Variants in COL14A1 observed in about 807,000 individuals in gnomAD.
The protein encoded by COL14A1 is collagen type XIV alpha 1 chain, also known as collagen alpha-1(XIV) chain.
COL14A1 carries 136 observed loss-of-function variants against 230.3 expected under a neutral mutation model. That is an observed-to-expected ratio of 0.59 (90% CI 0.51 to 0.68). The LOEUF (loss-of-function observed/expected upper bound fraction) is 0.68, where lower values mean the gene tolerates loss of function less well. Ranked by LOEUF, COL14A1 falls within the 30% of genes least tolerant of loss-of-function variation. The pLI, the probability that COL14A1 is intolerant of heterozygous loss-of-function variation, is 0.00. For missense variants in COL14A1, 1,976 were observed against 2,215.8 expected, an observed-to-expected ratio of 0.89 and a Z score of 2.17; for synonymous variants, 792 against 784.1, an observed-to-expected ratio of 1.01 and a Z score of -0.17.
chr8:120,289,095 A>G lies in COL14A1; in HGVS notation c.4078-513A>G, dbSNP rs1054537690. ...ACACTAAGCTAAACAGCTTTATTTT[A>G]TTTGAACCTGGGTTCACCAGAAAGC... On this transcript the variant is annotated intron_variant, in intron 33 of 47. Transcript: ENST00000297848. 1.3e-5 allele frequency among the ~76,000 whole-genome samples: 2 copies of G among 152,256 alleles called. 1 individual carries two copies. The highest frequency in any genetic ancestry group is 4.1e-4 in the South Asian group (2 of 4,824).
Position 120,270,020 on chromosome 8 carries a change from A to T in COL14A1, c.3074-15A>T, listed in dbSNP as rs962827388. On this transcript the variant is annotated splice_polypyrimidine_tract_variant and intron_variant, in intron 25 of 47. Transcript: ENST00000297848. ...TCCCCTTATCTCTGACTCAAAATTC[A>T]TTGTTGGTCTTCAGTATGTAAGGCG... 6.2e-7 allele frequency: 1 copy of T among 1,609,718 alleles called. No homozygotes were observed. The highest frequency in any genetic ancestry group is 1.3e-5 in the African/African-American group (1 of 74,628).
At chr8:120,341,685 A>G (rs1253498451) in intron 43 of COL14A1, among the ~76,000 whole-genome samples, 1 of 152,204 alleles carries the variant, frequency 6.6e-6, no homozygotes, top group African/African-American at 2.4e-5. Context: ...ACGTTATATA[A>G]TAGATGTGAA....
intron 17 of COL14A1, 75 bp downstream of exon 17, chr8:120,227,427 A>G (rs1818133169): frequency 6.4e-7 from 1 of 1,550,926 alleles, no homozygotes; most frequent in Non-Finnish European, 8.8e-7. Context: ...TTCCTTCCCC[A>G]TCTGCTTTAT....
intron 42 of COL14A1, among the ~76,000 whole-genome samples, chr8:120,338,034 T>C (rs1322631971): frequency 2.0e-5 from 3 of 152,156 alleles, no homozygotes; most frequent in Non-Finnish European, 4.4e-5. Context: ...CAGCTGATGC[T>C]CTCCATTTAC....
At chr8:120,343,592 A>G (rs950313622) in intron 44 of COL14A1, among the ~76,000 whole-genome samples, 2 of 152,226 alleles carry the variant, frequency 1.3e-5, no homozygotes, top group East Asian at 3.8e-4. Flanking sequence ...AGGAGTATGA[A>G]GATACCAACT....
rs112918743 is a variant in COL14A1 at position 120,145,857 on chromosome 8, A to G, written c.-37-1949A>G. On this transcript the variant is annotated intron_variant, in intron 1 of 47. Coordinates refer to ENST00000297848, the MANE Select transcript of COL14A1 (RefSeq NM_021110.4). ...ATTTACTGTCATCAGAATACACTTG[A>G]ACAAGAAAATAATAACAAAAGATGT... Among the ~76,000 whole-genome samples, 343 of 152,314 alleles carry G rather than the reference A, an allele frequency of 2.3e-3. 1 individual carries two copies. The highest frequency in any genetic ancestry group is 7.6e-3 in the African/African-American group (314 of 41,582).
At chr8:120,332,970 A>G (rs926429914) in intron 42 of COL14A1, among the ~76,000 whole-genome samples, 1 of 152,230 alleles carries the variant, frequency 6.6e-6, no homozygotes, top group Non-Finnish European at 1.5e-5. Flanking sequence ...GCTTTTGCTT[A>G]TATGTTTCTA....
intron 45 of COL14A1, among the ~76,000 whole-genome samples, chr8:120,355,128 C>T (rs1822931690): frequency 6.6e-6 from 1 of 152,148 alleles, no homozygotes; most frequent in Non-Finnish European, 1.5e-5. Flanking sequence ...TTGTCAATTG[C>T]TTTTCTGACG....
chr8:120,307,372 T>C (rs1424928820), intron 36 of COL14A1, among the ~76,000 whole-genome samples: 5 of 152,166 alleles, frequency 3.3e-5, no homozygotes, highest in Non-Finnish European at 7.3e-5. Context: ...ATGATTGATA[T>C]TCAATAATGG....
chr8:120,281,881 A>C (rs1208096620), intron 31 of COL14A1, among the ~76,000 whole-genome samples: 11 of 152,214 alleles, frequency 7.2e-5, no homozygotes, highest in Admixed American at 7.2e-4. Flanking sequence ...GCAACTCTAG[A>C]AAGTTGAAGA....
At chr8:120,189,366 T>A (rs1398658845) in intron 5 of COL14A1, among the ~76,000 whole-genome samples, 3 of 152,164 alleles carry the variant, frequency 2.0e-5, no homozygotes, top group African/African-American at 4.8e-5. Flanking sequence ...TACGTACTAG[T>A]CTTCAAGAAA....
At chr8:120,236,140 C>G (rs574558786) in intron 19 of COL14A1, among the ~76,000 whole-genome samples, 18 of 152,150 alleles carry the variant, frequency 1.2e-4, no homozygotes, top group African/African-American at 4.1e-4. Context: ...TCCTCTTGGT[C>G]CAGAGCTGAG....
intron 13 of COL14A1, among the ~76,000 whole-genome samples, chr8:120,213,349 G>A (rs1178917955): frequency 3.9e-5 from 6 of 152,142 alleles, no homozygotes; most frequent in Non-Finnish European, 8.8e-5. Flanking sequence ...GAGACTTGGG[G>A]TCTTGCTCAC....
At chr8:120,315,443 G>T (rs569134057) in intron 38 of COL14A1, 90 bp from the exon 39 acceptor site, 2 of 928,522 alleles carry the variant, frequency 2.2e-6, no homozygotes, top group South Asian at 3.0e-5. Context: ...GCGATTTACT[G>T]TGGAAACTAT....
intron 33 of COL14A1, 32 bp from the exon 34 acceptor site, chr8:120,289,576 C>G (rs1216585344): frequency 1.3e-6 from 2 of 1,599,264 alleles, no homozygotes; most frequent in Non-Finnish European, 1.7e-6. Flanking sequence ...CCTTCTGTTT[C>G]TTACCTCCTA....
At chr8:120,363,178 C>A (rs1823286954) in intron 45 of COL14A1, among the ~76,000 whole-genome samples, 1 of 152,096 alleles carries the variant, frequency 6.6e-6, no homozygotes, top group Non-Finnish European at 1.5e-5. Context: ...ATGGAACCAA[C>A]CCAAATGGCC....
intron 45 of COL14A1, among the ~76,000 whole-genome samples, chr8:120,359,169 A>G (rs1586896818): frequency 2.6e-5 from 4 of 152,052 alleles, no homozygotes; most frequent in African/African-American, 9.6e-5. Flanking sequence ...TCGACCCGTC[A>G]TCTAGGTTTT....
In COL14A1 at chr8:120,256,110, T is replaced by C. The variant is rs113044761; in HGVS notation, c.2869+754T>C. ...AGATTTATAGAAACAATAGAAAAGC[T>C]ATATCTTATTATTTTATGGGATTAT... On this transcript the variant is annotated intron_variant, in intron 23 of 47. Coordinates refer to ENST00000297848, the MANE Select transcript of COL14A1 (RefSeq NM_021110.4). Among the ~76,000 whole-genome samples the C allele has an allele frequency of 4.7e-3, 712 of 152,282 alleles. 7 individuals are homozygous for C. Among genetic ancestry groups the C allele is most frequent in the African/African-American group, 0.015 (634 of 41,558 alleles).
At position 120,255,419 on chromosome 8, in the gene COL14A1, A is replaced by G. The variant is rs1452192804; in HGVS notation, c.2869+63A>G. ...TTGTGTATTTGATTCTTTGCACACC[A>G]CTGTGTACAACACACAAGTAGCATT... On this transcript the variant is annotated intron_variant, in intron 23 of 47. Transcript: ENST00000297848. The G allele has an allele frequency of 3.3e-5, 39 of 1,168,310 alleles. No individual in the cohort carries two copies. In the Admixed American group the frequency reaches 5.8e-4, roughly 17 times the overall value. The allele number at this position is 1,168,310 out of a possible 1,614,324, so 72.4% of individuals were successfully genotyped here.
Sources: allele counts gnomAD v4.1 joint callset (sites outside exome capture counted in the v4.1 genomes callset), GRCh38; gene constraint gnomAD v4.1.1; transcripts MANE v1.5; gene names NCBI Gene and HGNC (gene_info 2026-07-23, HGNC 2026-07-21).